Variants in UROS observed in about 807,000 individuals in gnomAD.
UROS encodes uroporphyrinogen III synthase.
Under a neutral mutation model 33.0 loss-of-function variants are expected in UROS, and 18 were observed. The observed-to-expected ratio is 0.55, with a 90% CI of 0.38 to 0.81. The LOEUF is 0.81. UROS is among the 30% of genes least tolerant of loss of function. The pLI is 0.00. For synonymous variants in UROS, 114 were observed against 121.1 expected, an observed-to-expected ratio of 0.94 and a Z score of 0.38; for missense variants, 293 against 314.9, an observed-to-expected ratio of 0.93 and a Z score of 0.53.
At chr10:125,802,119 G>A (rs960321842) in intron 6 of UROS, 16 of 985,228 alleles carry the variant, frequency 1.6e-5, no homozygotes, top group Non-Finnish European at 1.8e-5. Context: ...TACCATTTAT[G>A]CGGTGATGAT....
intron 5 of UROS, among the ~76,000 whole-genome samples, chr10:125,811,271 T>C (rs998767250): frequency 3.4e-4 from 52 of 152,216 alleles, no homozygotes; most frequent in African/African-American, 1.2e-3. Flanking sequence ...AGTTGAGTTT[T>C]TGGTAGGAAA....
chr10:125,804,850 TTCCCCACCCTAC>T (rs1852177724), intron 6 of UROS, among the ~76,000 whole-genome samples: 1 of 152,210 alleles, frequency 6.6e-6, no homozygotes, highest in South Asian at 2.1e-4. Flanking sequence ...GATGTATATG[TTCCCCACCCTAC>T]CCCACCTCCA....
chr10:125,803,152 T>A, intron 6 of UROS: 1 of 1,312,204 alleles, frequency 7.6e-7, no homozygotes. Flanking sequence ...CTACCACTAT[T>A]AGCTCTGTTC....
chr10:125,793,295 G>A (rs1358284447), intron 9 of UROS: 1 of 140,968 alleles, frequency 7.1e-6, no homozygotes, highest in Non-Finnish European at 1.5e-5. Context: ...GGGGAAAACT[G>A]TGTTAGGCTT....
Position 125,806,368 on chromosome 10 carries a change from A to G in UROS, c.394+1045T>C, listed in dbSNP as rs145594337. On this transcript the variant is annotated intron_variant, in intron 6 of 9. Coordinates refer to ENST00000368797, the MANE Select transcript of UROS (RefSeq NM_000375.3). The stretch of plus-strand genomic sequence containing the variant: ...GATCTCACCACCCAAGGGCCAAGGC[A>G]TATACCCCTCTCCTGGGACCACCTT... 6.9e-4 allele frequency among the ~76,000 whole-genome samples: 105 copies of G among 152,310 alleles called. No homozygotes were observed. The South Asian group carries it at 0.01, about 15-fold the overall frequency.
intron 7 of UROS, among the ~76,000 whole-genome samples, 187 bp from the exon 8 acceptor site, chr10:125,796,375 T>C (rs1423286676): frequency 6.6e-6 from 1 of 152,182 alleles, no homozygotes; most frequent in Non-Finnish European, 1.5e-5. Flanking sequence ...TGCTAAACGC[T>C]GTGGAGTGGT....
At chr10:125,787,045 G>C (rs1430401124), downstream of UROS, among the ~76,000 whole-genome samples, 1 of 152,228 alleles carries the variant, frequency 6.6e-6, no homozygotes, top group African/African-American at 2.4e-5. Flanking sequence ...ATCCCAAACA[G>C]AACCATCTTT....
At chr10:125,798,704 G>A (rs369375947) in intron 6 of UROS, among the ~76,000 whole-genome samples, 35 of 152,364 alleles carry the variant, frequency 2.3e-4, no homozygotes, top group Middle Eastern at 3.4e-3. Flanking sequence ...GCCAAAAGGC[G>A]AATGCACAGG....
intron 3 of UROS, 33 bp downstream of exon 3, chr10:125,816,144 A>G (rs1298278177): frequency 1.9e-6 from 3 of 1,590,038 alleles, no homozygotes; most frequent in East Asian, 2.2e-5. Flanking sequence ...GAAATCAAAC[A>G]CTAACATGGT....
intron 9 of UROS, among the ~76,000 whole-genome samples, chr10:125,791,298 T>C (rs1355766179): frequency 1.3e-5 from 2 of 152,138 alleles, no homozygotes; most frequent in East Asian, 3.9e-4. Context: ...GAGAAACCAC[T>C]TCAGACCCAC....
intron 9 of UROS, among the ~76,000 whole-genome samples, 179 bp downstream of exon 9, chr10:125,794,701 T>C (rs1373748972): frequency 1.3e-5 from 2 of 151,952 alleles, no homozygotes; most frequent in Non-Finnish European, 2.9e-5. Context: ...GGAAACGGGC[T>C]GGGAGAAGGT....
At chr10:125,817,224 ATTTTTTTTT>A (rs11431196) in intron 1 of UROS, among the ~76,000 whole-genome samples, 2,755 of 74,096 alleles carry the variant, frequency 0.037, 91 homozygotes, top group Middle Eastern at 0.12. Flanking sequence ...TTATAGATGT[ATTTTTTTTT>A]TTTTTTTTTT....
chr10:125,815,227 T>G (rs776572655), intron 3 of UROS, 97 bp from the exon 4 acceptor site: 1 of 1,342,264 alleles, frequency 7.5e-7, no homozygotes, highest in Non-Finnish European at 1.1e-6. Context: ...TTCACAATAG[T>G]AGTAGGCAAA....
At chr10:125,797,473 G>A (rs887612086) in intron 7 of UROS, among the ~76,000 whole-genome samples, 9 of 152,134 alleles carry the variant, frequency 5.9e-5, no homozygotes. Flanking sequence ...TATCTCATCC[G>A]AAAGCTGGTA....
rs1854169617 is a variant in UROS at position 125,823,224 on chromosome 10, T to C, written c.-222A>G. On this transcript the variant is annotated 5_prime_UTR_variant, in exon 1 of 10. Coordinates refer to ENST00000368797, the MANE Select transcript of UROS (RefSeq NM_000375.3). ...CCCCGCACCTCAGACTGGGGTCGCG[T>C]GGGTGGCTGCGCGCAGCTAGGCGCT... 4.4e-6 allele frequency: 1 copy of C among 228,202 alleles called. No individual in the cohort carries two copies. Among genetic ancestry groups the C allele is most frequent in the Non-Finnish European group, 8.6e-6 (1 of 116,080 alleles). 14.1% of individuals were successfully genotyped at this position (228,202 alleles called of 1,614,324 possible).
chr10:125,820,355 G>A (rs1377671675), intron 1 of UROS, among the ~76,000 whole-genome samples: 1 of 152,176 alleles, frequency 6.6e-6, no homozygotes, highest in East Asian at 1.9e-4. Context: ...GGAGCACCAA[G>A]GGCAGAAGAT....
chr10:125,818,516 T>TA (rs1253408948), intron 1 of UROS, among the ~76,000 whole-genome samples: 2 of 151,094 alleles, frequency 1.3e-5, no homozygotes, highest in Non-Finnish European at 3.0e-5. Context: ...ATAATAATAA[T>TA]ATAAAATTAA....
Position 125,816,184 on chromosome 10 carries a change from G to A in UROS, c.140C>T (p.Ser47Phe). Residue 47 changes from serine to phenylalanine, a missense_variant, in exon 3 of 10, where the codon TCT (serine) becomes TTT (phenylalanine). Coordinates refer to ENST00000368797, the MANE Select transcript of UROS (RefSeq NM_000375.3). ...SFEFLSLPSF[S>F]EKLSHPEDYG... ...AGTCACAACAGGCCTTACCTTCTCA[G>A]AGAAACTGGGAAGAGACAAAAACTC... 6.2e-7 allele frequency: 1 copy of A among 1,614,182 alleles called. No individual in the cohort carries two copies. Among genetic ancestry groups the A allele is most frequent in the Non-Finnish European group, 8.5e-7 (1 of 1,180,006 alleles).
At chr10:125,810,592 TGGGGTAATTTG>T (rs965316675) in intron 5 of UROS, among the ~76,000 whole-genome samples, 1 of 152,170 alleles carries the variant, frequency 6.6e-6, no homozygotes, top group Non-Finnish European at 1.5e-5. Context: ...TAGTAAGTTT[TGGGGTAATTTG>T]GGGGTAATTT....
Sources: gnomAD v4.1 joint callset for allele counts (sites outside exome capture counted in the v4.1 genomes callset) on GRCh38, gnomAD v4.1.1 for gene constraint, MANE v1.5 for transcripts, NCBI Gene and HGNC (gene_info 2026-07-23, HGNC 2026-07-21) for gene names.